Variants in PCDHA6 observed in about 807,000 individuals in gnomAD.
The protein encoded by PCDHA6 is protocadherin alpha-6.
Under a neutral mutation model 60.3 loss-of-function variants are expected in PCDHA6, and 55 were observed. The ratio of observed to expected loss-of-function variants is 0.91; its 90% confidence interval spans 0.73 to 1.14. The LOEUF is 1.14. Ranked by LOEUF, PCDHA6 falls within the 50% of genes most tolerant of loss-of-function variation. The pLI, the probability that PCDHA6 is intolerant of heterozygous loss-of-function variation, is 0.00. For synonymous variants in PCDHA6, 652 were observed against 557.9 expected (o/e 1.17, Z -2.38); for missense variants, 1,327 against 1,256.5 (o/e 1.06, Z -0.85).
intron 1 of PCDHA6, among the ~76,000 whole-genome samples, chr5:140,837,921 C>T (rs1775313759): frequency 6.6e-6 from 1 of 151,734 alleles, no homozygotes; most frequent in Admixed American, 6.6e-5. Flanking sequence ...TCAAGCGATC[C>T]TCCTACCTTG....
At chr5:140,849,667 C>T in intron 1 of PCDHA6, 1 of 1,598,692 alleles carries the variant, frequency 6.3e-7, no homozygotes, top group South Asian at 1.1e-5. Context: ...TCCCTGACGC[C>T]CCACGTCCCC....
At chr5:140,956,381 G>T (rs1380347643) in intron 1 of PCDHA6, among the ~76,000 whole-genome samples, 2 of 152,090 alleles carry the variant, frequency 1.3e-5, no homozygotes, top group African/African-American at 4.8e-5. Context: ...TTTTATCGAA[G>T]GCCTTTTCTG....
chr5:140,924,907 A>AAT (rs1554202344), intron 1 of PCDHA6, among the ~76,000 whole-genome samples: 14 of 50,940 alleles, frequency 2.7e-4, no homozygotes, highest in African/African-American at 6.9e-4. Context: ...AAAAAAAAAT[A>AAT]AAATAAAATA....
intron 1 of PCDHA6, among the ~76,000 whole-genome samples, chr5:140,962,255 A>G (rs991096495): frequency 2.0e-5 from 3 of 152,204 alleles, no homozygotes; most frequent in African/African-American, 7.2e-5. Flanking sequence ...TCAATGAAAA[A>G]TAATTTTATA....
chr5:140,877,844 G>A lies in PCDHA6; in HGVS notation c.2394+47359G>A, dbSNP rs945643108. The A allele has an allele frequency of 5.1e-6, 8 of 1,568,656 alleles. No homozygotes were observed. In the African/African-American group the frequency reaches 8.3e-5, roughly 16 times the overall value. ...TGTTTAAATCCTCCCAGTGAAGTAA[G>A]TTATTAATATTATTTAGATATATTT... On this transcript the variant is annotated intron_variant, in intron 1 of 3. Coordinates refer to ENST00000529310, the MANE Select transcript of PCDHA6 (RefSeq NM_018909.4).
chr5:140,898,462 CTTGT>C (rs2066755516), intron 1 of PCDHA6, among the ~76,000 whole-genome samples: 1 of 150,202 alleles, frequency 6.7e-6, no homozygotes, highest in South Asian at 2.1e-4. Flanking sequence ...TTCCCCATTG[CTTGT>C]TTTTCTCAGG....
chr5:140,850,076 G>A lies in PCDHA6; in HGVS notation c.2394+19591G>A. Reference sequence around the variant, plus strand: ...CGCTGCAGCCGTTGGACCACGAGGAGCTGGAGCTGCTACAGTTCCAGGTGA... The same window carrying A: ...CGCTGCAGCCGTTGGACCACGAGGAACTGGAGCTGCTACAGTTCCAGGTGA... On this transcript the variant is annotated intron_variant, in intron 1 of 3. Transcript: ENST00000529310. 6 of 1,596,552 alleles carry A rather than the reference G, an allele frequency of 3.8e-6. 1 individual carries two copies. Among genetic ancestry groups the A allele is most frequent in the Non-Finnish European group, 5.1e-6 (6 of 1,167,850 alleles).
At chr5:140,842,747 A>G (rs2150343510) in intron 1 of PCDHA6, 1 of 1,594,914 alleles carries the variant, frequency 6.3e-7, no homozygotes, top group Admixed American at 1.7e-5. Flanking sequence ...CCACATCTTC[A>G]CGGTGTCTGC....
intron 1 of PCDHA6, among the ~76,000 whole-genome samples, chr5:140,924,635 C>G (rs2081927697): frequency 6.6e-6 from 1 of 152,108 alleles, no homozygotes; most frequent in Non-Finnish European, 1.5e-5. Context: ...GGGCTCACAC[C>G]TGTAATCCCA....
intron 1 of PCDHA6, chr5:140,849,218 G>A (rs2150433092): frequency 1.9e-6 from 2 of 1,040,734 alleles, no homozygotes; most frequent in South Asian, 3.2e-5. Context: ...ATGCCCCAGT[G>A]TTCGACAGAA....
intron 1 of PCDHA6, chr5:140,858,620 C>G: frequency 1.8e-6 from 2 of 1,142,316 alleles, no homozygotes; most frequent in East Asian, 5.1e-5. Flanking sequence ...TTATCCTACC[C>G]AGTGTGTCAG....
Position 140,843,013 on chromosome 5 carries a change from A to G in PCDHA6, c.2394+12528A>G, listed in dbSNP as rs2150350146. On this transcript the variant is annotated intron_variant, in intron 1 of 3. Coordinates refer to ENST00000529310, the MANE Select transcript of PCDHA6 (RefSeq NM_018909.4). The stretch of plus-strand genomic sequence containing the variant: ...TGGACGAGAATGACAACGCGCCGGC[A>G]CTGCTGGAGCCTCGGGTGGGTGGCA... 14 of 1,595,012 alleles carry G rather than the reference A, an allele frequency of 8.8e-6. 1 individual carries two copies. Among genetic ancestry groups the G allele is most frequent in the East Asian group, 2.2e-5 (1 of 44,830 alleles).
At chr5:140,862,433 G>T (rs781821294) in intron 1 of PCDHA6, 1 of 354,884 alleles carries the variant, frequency 2.8e-6, no homozygotes, top group Non-Finnish European at 5.6e-6. Flanking sequence ...GAAACTATTC[G>T]TTGGTACTCC....
At chr5:140,849,605 C>G (rs1469942879) in intron 1 of PCDHA6, 1 of 1,598,466 alleles carries the variant, frequency 6.3e-7, no homozygotes, top group Non-Finnish European at 8.6e-7. Flanking sequence ...CAGTTATTGC[C>G]CTGATTAGTG....
intron 1 of PCDHA6, among the ~76,000 whole-genome samples, chr5:140,841,023 C>T (rs1331109795): frequency 6.6e-6 from 1 of 152,000 alleles, no homozygotes; most frequent in Admixed American, 6.6e-5. Flanking sequence ...ATGAATGCCT[C>T]TGCAATTGAT....
intron 1 of PCDHA6, among the ~76,000 whole-genome samples, chr5:140,874,127 A>G (rs1297073584): frequency 2.0e-5 from 3 of 151,564 alleles, no homozygotes; most frequent in Non-Finnish European, 4.4e-5. Flanking sequence ...TAGTTTATTT[A>G]AGTTATCTTA....
At chr5:140,907,913 C>T (rs2073688326) in intron 1 of PCDHA6, among the ~76,000 whole-genome samples, 1 of 152,234 alleles carries the variant, frequency 6.6e-6, no homozygotes, top group Non-Finnish European at 1.5e-5. Context: ...TTTTTGACCA[C>T]TCAGAGAGGT....
At chr5:140,942,160 A>G (rs782205493) in intron 1 of PCDHA6, among the ~76,000 whole-genome samples, 11 of 152,218 alleles carry the variant, frequency 7.2e-5, no homozygotes, top group Non-Finnish European at 1.5e-4. Context: ...AACAGCTTCC[A>G]TATTTCTCTA....
chr5:140,877,260 G>A (rs1329010026), intron 1 of PCDHA6: 3 of 1,613,766 alleles, frequency 1.9e-6, no homozygotes, highest in African/African-American at 2.7e-5. Context: ...AAGTGCGCGC[G>A]GTGGACGCTG....
Sources: allele counts gnomAD v4.1 joint callset (sites outside exome capture counted in the v4.1 genomes callset), GRCh38; gene constraint gnomAD v4.1.1; transcripts MANE v1.5; gene names NCBI Gene and HGNC (gene_info 2026-07-23, HGNC 2026-07-21).